The following PRKRIP1 variants were observed in gnomAD, a reference collection of about 807,000 sequenced individuals.
PRKRIP1 encodes the protein PRKR interacting protein 1.
In PRKRIP1, 29 loss-of-function variants were observed where a neutral mutation model predicts 29.3. That is an observed-to-expected ratio of 0.99 (90% CI 0.74 to 1.35). The LOEUF (loss-of-function observed/expected upper bound fraction) is 1.35, where lower values mean the gene tolerates loss of function less well. PRKRIP1 is among the 40% of genes most tolerant of loss of function. PRKRIP1 has a pLI of 0.00. For synonymous variants in PRKRIP1, 90 were observed against 85.1 expected (o/e 1.06, Z -0.32); for missense variants, 247 against 236.8 (o/e 1.04, Z -0.28).
chr7:102,419,370 C>G (rs782434345), intron 5 of PRKRIP1, among the ~76,000 whole-genome samples: 1 of 152,048 alleles, frequency 6.6e-6, no homozygotes, highest in Non-Finnish European at 1.5e-5. Context: ...GCCAAGATCA[C>G]ACCACTGCAG....
chr7:102,399,034 A>C (rs1014407435), intron 2 of PRKRIP1, among the ~76,000 whole-genome samples: 24 of 152,208 alleles, frequency 1.6e-4, no homozygotes, highest in African/African-American at 5.3e-4. Flanking sequence ...AGGCAGGAGG[A>C]TGGCTTGAGC....
Position 102,397,644 on chromosome 7 carries a change from A to G in PRKRIP1, c.151A>G (p.Lys51Glu). 1.2e-6 allele frequency: 2 copies of G among 1,613,992 alleles called. No homozygotes were observed. The highest frequency in any genetic ancestry group is 1.7e-6 in the Non-Finnish European group (2 of 1,179,930). Residue 51 changes from lysine (K) to glutamate (E), a missense_variant, in exon 2 of 6, where the codon AAA (lysine) becomes GAA (glutamate). By Grantham distance (56) the Lys-to-Glu change is moderately conservative. Transcript: ENST00000397912. The part of the protein sequence containing the change: ...NPDKAVPIPE[K>E]MSEWAPRPPP... ...GGACAAAGCAGTTCCAATTCCAGAG[A>G]AAATGAGTGAATGGGCACCTCGACC...
At chr7:102,396,662 A>G (rs1043864553) in intron 1 of PRKRIP1, 125 bp downstream of exon 1, 13 of 1,040,940 alleles carry the variant, frequency 1.2e-5, no homozygotes, top group African/African-American at 3.4e-5. Flanking sequence ...CGACCCTCCA[A>G]GAGCAGTCTT....
chr7:102,399,830 A>G (rs1796016301), intron 3 of PRKRIP1, among the ~76,000 whole-genome samples, 182 bp downstream of exon 3: 1 of 152,088 alleles, frequency 6.6e-6, no homozygotes, highest in Non-Finnish European at 1.5e-5. Flanking sequence ...ACCAACATGG[A>G]GAAACTCTGT....
chr7:102,403,702 G>T (rs1324433137), intron 3 of PRKRIP1, among the ~76,000 whole-genome samples: 1 of 152,226 alleles, frequency 6.6e-6, no homozygotes, highest in Non-Finnish European at 1.5e-5. Flanking sequence ...GTTCCTAACA[G>T]CTCTGGGAGA....
chr7:102,420,082 C>T (rs948760843), intron 5 of PRKRIP1, among the ~76,000 whole-genome samples: 8 of 152,190 alleles, frequency 5.3e-5, no homozygotes, highest in East Asian at 1.9e-4. Context: ...GATGGGTTTT[C>T]GCCGTGTTGG....
At chr7:102,407,305 T>A in intron 4 of PRKRIP1, 129 bp from the exon 5 acceptor site, 2 of 615,420 alleles carry the variant, frequency 3.2e-6, no homozygotes, top group Non-Finnish European at 5.8e-6. Context: ...ACCTAATATT[T>A]TTCTTATTTT....
intron 3 of PRKRIP1, among the ~76,000 whole-genome samples, chr7:102,400,564 C>T (rs573018373): frequency 3.9e-5 from 6 of 152,164 alleles, no homozygotes; most frequent in South Asian, 2.1e-4. Flanking sequence ...TGGGAAAAGA[C>T]GTATGAGGGG....
chr7:102,420,784 C>T (rs1285468902), intron 5 of PRKRIP1, among the ~76,000 whole-genome samples: 1 of 152,142 alleles, frequency 6.6e-6, no homozygotes, highest in African/African-American at 2.4e-5. Flanking sequence ...ACATGACGCT[C>T]CAAGTAGGAA....
chr7:102,405,527 T>C (rs545647131), intron 4 of PRKRIP1, among the ~76,000 whole-genome samples: 134 of 152,276 alleles, frequency 8.8e-4, no homozygotes, highest in Middle Eastern at 3.4e-3. Flanking sequence ...CCCAGGGGGC[T>C]GAGGCTGCAG....
chr7:102,400,855 T>C (rs1796048648), intron 3 of PRKRIP1, among the ~76,000 whole-genome samples: 1 of 152,024 alleles, frequency 6.6e-6, no homozygotes. Context: ...AGGCTGGTCT[T>C]GAACTCCTGA....
At chr7:102,404,471 G>A in intron 3 of PRKRIP1, 127 bp from the exon 4 acceptor site, 1 of 719,114 alleles carries the variant, frequency 1.4e-6, no homozygotes, top group African/African-American at 1.8e-5. Context: ...ATGGCCCTGG[G>A]GACCCGGGTA....
At position 102,396,506 on chromosome 7, in the gene PRKRIP1, A is replaced by G; in HGVS notation, c.95A>G (p.Lys32Arg). The G allele has an allele frequency of 1.9e-6, 3 of 1,610,080 alleles. No individual in the cohort carries two copies. Among genetic ancestry groups the G allele is most frequent in the Non-Finnish European group, 2.5e-6 (3 of 1,178,958 alleles). ...VIPKNAAEEQ[K>R]LKLERLMKNP... ...CCCAAGAATGCGGCGGAGGAGCAGAAGCTCAAGCTGGAGCGGCTCATGAAG... is the reference window on the plus strand; with the variant it reads ...CCCAAGAATGCGGCGGAGGAGCAGAGGCTCAAGCTGGAGCGGCTCATGAAG... The change falls in exon 1 of 6, where the codon AAG becomes AGG. Residue 32 changes from lysine (K) to arginine (R), a missense_variant. Lys to Arg is a conservative substitution (Grantham distance 26). This residue lies in a region of PRKRIP1 where 105 missense variants were observed against 80.2 expected (regional missense o/e 1.31). Coordinates refer to ENST00000397912, the MANE Select transcript of PRKRIP1 (RefSeq NM_024653.4).
At chr7:102,397,423 A>T (rs2049557) in intron 1 of PRKRIP1, among the ~76,000 whole-genome samples, 197 bp from the exon 2 acceptor site, 122,094 of 151,870 alleles carry the variant, frequency 0.8, 49,257 homozygotes, top group Middle Eastern at 0.86. Context: ...TGTACGCCTG[A>T]GAGTCCTAAC....
chr7:102,404,144 CAG>C, intron 3 of PRKRIP1, among the ~76,000 whole-genome samples: 1 of 152,204 alleles, frequency 6.6e-6, no homozygotes, highest in East Asian at 1.9e-4. Flanking sequence ...GCCTAGGCGA[CAG>C]AGTAAGACCT....
intron 1 of PRKRIP1, among the ~76,000 whole-genome samples, 189 bp from the exon 2 acceptor site, chr7:102,397,431 A>G (rs1193699117): frequency 6.6e-6 from 1 of 151,980 alleles, no homozygotes; most frequent in African/African-American, 2.4e-5. Flanking sequence ...TGAGAGTCCT[A>G]ACTATTCTGG....
intron 5 of PRKRIP1, among the ~76,000 whole-genome samples, chr7:102,410,498 G>A (rs1796352453): frequency 6.6e-6 from 1 of 152,182 alleles, no homozygotes; most frequent in Non-Finnish European, 1.5e-5. Flanking sequence ...TACCCTGGGA[G>A]TGGAACTTCC....
At chr7:102,405,166 A>G (rs1273547287) in intron 4 of PRKRIP1, among the ~76,000 whole-genome samples, 1 of 152,098 alleles carries the variant, frequency 6.6e-6, no homozygotes, top group Non-Finnish European at 1.5e-5. Flanking sequence ...ACCTCAGGTG[A>G]TCCGCCTGCT....
Position 102,396,369 on chromosome 7 carries a change from G to C in PRKRIP1, c.-43G>C, listed in dbSNP as rs1554570289. ...GGCGCGCGGCTGTGTCGTCATACTT[G>C]CGCGCCGACGCCGCCGCTCGCTTGT... On this transcript the variant is annotated 5_prime_UTR_variant, in exon 1 of 6. Transcript: ENST00000397912. 6.7e-7 allele frequency: 1 copy of C among 1,482,184 alleles called. No individual in the cohort carries two copies. The highest frequency in any genetic ancestry group is 2.6e-5 in the Admixed American group (1 of 38,276). The allele number at this position is 1,482,184 out of a possible 1,614,324, so 91.8% of individuals were successfully genotyped here. A position where few individuals can be genotyped will look rare whatever the true frequency, so the allele number is the denominator to read the frequency against.
Sources: allele counts gnomAD v4.1 joint callset (sites outside exome capture counted in the v4.1 genomes callset), GRCh38; gene constraint gnomAD v4.1.1; regional missense constraint gnomAD v4.1.1; transcripts MANE v1.5; gene names NCBI Gene and HGNC (gene_info 2026-07-23, HGNC 2026-07-21).